RTN4: variants seen among roughly 807,000 people sequenced by gnomAD.
The protein encoded by RTN4 is reticulon-4.
RTN4 carries 32 observed loss-of-function variants against 90.4 expected under a neutral mutation model. The observed-to-expected ratio is 0.35, with a 90% CI of 0.27 to 0.48. The LOEUF is 0.48. Among genes scored for constraint, RTN4 ranks in the 20% least tolerant of loss-of-function variants. The pLI is 0.99. For missense variants in RTN4, 1,706 were observed against 1,430.2 expected, an observed-to-expected ratio of 1.19 and a Z score of -3.11; for synonymous variants, 629 against 552.5, an observed-to-expected ratio of 1.14 and a Z score of -1.94.
chr2:55,003,513 T>A lies in RTN4; in HGVS notation c.3014-15815A>T, dbSNP rs370575668. Among the ~76,000 whole-genome samples the A allele has an allele frequency of 2.4e-4, 36 of 152,304 alleles. 1 individual carries two copies. Among genetic ancestry groups the A allele is most frequent in the Admixed American group, 1.5e-3 (23 of 15,296 alleles). Reference sequence around the variant, plus strand: ...AGTAATATGTCAGCCTTATTCATGATAGAGCAGATAAATAAGTATAAATGT... The same window carrying A: ...AGTAATATGTCAGCCTTATTCATGAAAGAGCAGATAAATAAGTATAAATGT... On this transcript the variant is annotated intron_variant, in intron 3 of 8. Coordinates refer to ENST00000337526, the MANE Select transcript of RTN4 (RefSeq NM_020532.5).
intron 2 of RTN4, among the ~76,000 whole-genome samples, chr2:55,058,315 T>C (rs1324249423): frequency 6.6e-6 from 1 of 152,208 alleles, no homozygotes; most frequent in Non-Finnish European, 1.5e-5. Context: ...TCCCCACGGA[T>C]CTTACCAAAA....
chr2:55,135,293 C>T, the RTN4 span, among the ~76,000 whole-genome samples: 12 of 151,028 alleles, frequency 7.9e-5, no homozygotes, highest in East Asian at 5.8e-4. Flanking sequence ...CGGCAACCTC[C>T]GCCTCCCAGG....
At chr2:55,069,128 G>C (rs187632973) in intron 2 of RTN4, among the ~76,000 whole-genome samples, 1 of 152,176 alleles carries the variant, frequency 6.6e-6, no homozygotes, top group Non-Finnish European at 1.5e-5. Flanking sequence ...AATCTCAGGA[G>C]GAGCACCCAG....
chr2:55,033,863 T>G (rs1177651344), intron 1 of RTN4, among the ~76,000 whole-genome samples: 5 of 152,200 alleles, frequency 3.3e-5, no homozygotes, highest in Non-Finnish European at 7.3e-5. Flanking sequence ...CCTCAAACAT[T>G]TTTCTTTTCT....
intron 2 of RTN4, among the ~76,000 whole-genome samples, chr2:55,069,376 T>G (rs1351676532): frequency 6.6e-6 from 1 of 152,098 alleles, no homozygotes; most frequent in African/African-American, 2.4e-5. Context: ...ACCGCCCCCC[T>G]CAAAAAAATC....
chr2:55,063,021 G>A (rs2105006210), intron 2 of RTN4, among the ~76,000 whole-genome samples: 1 of 152,308 alleles, frequency 6.6e-6, no homozygotes. Flanking sequence ...AATAGCTAGA[G>A]GGAAGAAGCC....
chr2:55,049,273 A>T (rs1667958095), intron 1 of RTN4: 1 of 593,410 alleles, frequency 1.7e-6, no homozygotes, highest in East Asian at 1.4e-4. Context: ...AATGCAGGCC[A>T]ACAGACCCGC....
chr2:55,094,410 G>A (rs1359933727), intron 1 of RTN4, among the ~76,000 whole-genome samples: 1 of 152,182 alleles, frequency 6.6e-6, no homozygotes, highest in Non-Finnish European at 1.5e-5. Context: ...TGTTTTACAT[G>A]AATTAATTAA....
the RTN4 span, among the ~76,000 whole-genome samples, chr2:55,132,027 A>T: frequency 3.4e-3 from 513 of 152,300 alleles, 3 homozygotes; most frequent in South Asian, 0.013. Context: ...TATCTGCTCA[A>T]GTATTTATGG....
chr2:55,137,491 A>T, the RTN4 span, among the ~76,000 whole-genome samples: 1 of 152,182 alleles, frequency 6.6e-6, no homozygotes, highest in African/African-American at 2.4e-5. Flanking sequence ...GTTCGGAAGC[A>T]GACTGTGCAG....
At chr2:55,098,462 G>A (rs1028135477) in intron 1 of RTN4, among the ~76,000 whole-genome samples, 4 of 151,924 alleles carry the variant, frequency 2.6e-5, no homozygotes, top group East Asian at 1.9e-4. Context: ...AATTATCAAC[G>A]CAGGGTCAAT....
chr2:55,077,688 G>A (rs768771549), intron 2 of RTN4, among the ~76,000 whole-genome samples: 1 of 149,864 alleles, frequency 6.7e-6, no homozygotes, highest in Non-Finnish European at 1.5e-5. Context: ...AGCACAATTC[G>A]CAAATGCAAA....
chr2:55,077,353 A>C (rs946540066), intron 2 of RTN4, among the ~76,000 whole-genome samples: 25 of 152,130 alleles, frequency 1.6e-4, no homozygotes, highest in Admixed American at 1.6e-3. Context: ...GGACTAATAT[A>C]CTACTTATCA....
chr2:55,004,792 T>C (rs17046586), intron 3 of RTN4, among the ~76,000 whole-genome samples: 23,274 of 152,018 alleles, frequency 0.15, 2,113 homozygotes, highest in South Asian at 0.35. Flanking sequence ...AGAGCCAAGA[T>C]ATTTATGTAT....
intron 3 of RTN4, among the ~76,000 whole-genome samples, chr2:55,007,238 T>G (rs753048099): frequency 1.3e-5 from 2 of 152,050 alleles, no homozygotes; most frequent in Admixed American, 6.6e-5. Context: ...ATCTGCCGCT[T>G]CTTCTTCCTT....
chr2:55,055,521 A>C (rs1186246398), upstream of RTN4, among the ~76,000 whole-genome samples: 1 of 152,154 alleles, frequency 6.6e-6, no homozygotes, highest in Non-Finnish European at 1.5e-5. Flanking sequence ...TAATCCCAGC[A>C]CTTTGGGAGG....
intron 3 of RTN4, among the ~76,000 whole-genome samples, chr2:55,001,840 A>G (rs1170793374): frequency 6.6e-6 from 1 of 152,184 alleles, no homozygotes; most frequent in Non-Finnish European, 1.5e-5. Flanking sequence ...TCAACCATAA[A>G]GCAAAAGAAG....
intron 1 of RTN4, among the ~76,000 whole-genome samples, chr2:55,035,982 C>T (rs945649573): frequency 3.3e-5 from 5 of 152,050 alleles, no homozygotes; most frequent in African/African-American, 1.2e-4. Context: ...TCCTATGTGA[C>T]TATACTTGTA....
At chr2:55,077,687 C>T (rs879461303) in intron 2 of RTN4, among the ~76,000 whole-genome samples, 17 of 151,246 alleles carry the variant, frequency 1.1e-4, no homozygotes, top group South Asian at 6.3e-4. Flanking sequence ...CAGCACAATT[C>T]GCAAATGCAA....
Sources: allele counts gnomAD v4.1 joint callset (sites outside exome capture counted in the v4.1 genomes callset), GRCh38; gene constraint gnomAD v4.1.1; transcripts MANE v1.5; gene names NCBI Gene and HGNC (gene_info 2026-07-23, HGNC 2026-07-21).